Variants in ARHGAP15 observed in about 807,000 individuals in gnomAD.
ARHGAP15 encodes the protein Rho GTPase activating protein 15, also known as rho GTPase-activating protein 15.
A neutral mutation model predicts 63.7 loss-of-function variants in ARHGAP15; 51 were observed. The ratio of observed to expected loss-of-function variants is 0.80; its 90% CI spans 0.64 to 1.01. The LOEUF is 1.01. Ranked by LOEUF, ARHGAP15 falls within the 50% of genes least tolerant of loss-of-function variation. The pLI is 0.00. For synonymous variants in ARHGAP15, 191 were observed against 193.8 expected (o/e 0.99, Z 0.12); for missense variants, 560 against 564.6 (o/e 0.99, Z 0.08).
intron 2 of ARHGAP15, among the ~76,000 whole-genome samples, chr2:143,180,786 G>C (rs1364219242): frequency 6.6e-6 from 1 of 152,064 alleles, no homozygotes; most frequent in Non-Finnish European, 1.5e-5. Context: ...GCATTGTCCT[G>C]CCTCAGCCTC....
intron 13 of ARHGAP15, among the ~76,000 whole-genome samples, chr2:143,721,434 G>C (rs1685054728): frequency 6.6e-6 from 1 of 152,170 alleles, no homozygotes; most frequent in South Asian, 2.1e-4. Flanking sequence ...CATGGTCTCT[G>C]AATGTGCTTT....
At chr2:143,280,298 C>T (rs1434072447) in intron 6 of ARHGAP15, among the ~76,000 whole-genome samples, 1 of 152,048 alleles carries the variant, frequency 6.6e-6, no homozygotes, top group Non-Finnish European at 1.5e-5. Flanking sequence ...AACTGGGCAA[C>T]TCAATAGGAG....
At chr2:143,523,550 T>A in intron 10 of ARHGAP15, among the ~76,000 whole-genome samples, 1 of 152,090 alleles carries the variant, frequency 6.6e-6, no homozygotes, top group South Asian at 2.1e-4. Flanking sequence ...TTCTACCCAA[T>A]AATACCAAAC....
chr2:143,543,871 A>G (rs1234815744), intron 10 of ARHGAP15, among the ~76,000 whole-genome samples: 2 of 152,144 alleles, frequency 1.3e-5, no homozygotes, highest in African/African-American at 4.8e-5. Context: ...CTTCTTTGTT[A>G]GATGGTTAAC....
intron 6 of ARHGAP15, among the ~76,000 whole-genome samples, chr2:143,352,576 A>G (rs1408819092): frequency 6.6e-6 from 1 of 152,210 alleles, no homozygotes; most frequent in African/African-American, 2.4e-5. Context: ...ATGTGCTATA[A>G]TATTTTCTAC....
chr2:143,381,221 C>T (rs911956682), intron 6 of ARHGAP15, among the ~76,000 whole-genome samples: 8 of 152,052 alleles, frequency 5.3e-5, no homozygotes, highest in Non-Finnish European at 1.2e-4. Flanking sequence ...TTTGGCTTTG[C>T]TGTGATTTTA....
chr2:143,386,372 G>A (rs976214584), intron 6 of ARHGAP15, among the ~76,000 whole-genome samples: 1 of 152,154 alleles, frequency 6.6e-6, no homozygotes, highest in Non-Finnish European at 1.5e-5. Flanking sequence ...TTTAGAGCTT[G>A]TTTTGTAGTT....
chr2:143,519,705 C>T (rs896647473), intron 10 of ARHGAP15, among the ~76,000 whole-genome samples: 20 of 152,152 alleles, frequency 1.3e-4, no homozygotes, highest in South Asian at 6.2e-4. Context: ...TGCTGGTAGA[C>T]GTTGTGCCAG....
chr2:143,354,253 A>G (rs1197002567), intron 6 of ARHGAP15, among the ~76,000 whole-genome samples: 1 of 152,194 alleles, frequency 6.6e-6, no homozygotes, highest in African/African-American at 2.4e-5. Flanking sequence ...CGTTCACCTC[A>G]GTCGGAATGA....
At chr2:143,718,839 A>T (rs1351220207) in intron 13 of ARHGAP15, among the ~76,000 whole-genome samples, 2 of 152,232 alleles carry the variant, frequency 1.3e-5, no homozygotes, top group South Asian at 2.1e-4. Flanking sequence ...TGAGCTGGAA[A>T]TGAAGACACT....
intron 12 of ARHGAP15, among the ~76,000 whole-genome samples, chr2:143,629,141 A>T (rs1228712754): frequency 6.6e-6 from 1 of 151,796 alleles, no homozygotes; most frequent in Non-Finnish European, 1.5e-5. Context: ...GTCCAAGAAG[A>T]GTGAACAGAA....
chr2:143,205,254 A>AT (rs1404465189), intron 3 of ARHGAP15, among the ~76,000 whole-genome samples: 23 of 141,290 alleles, frequency 1.6e-4, no homozygotes, highest in African/African-American at 4.0e-4. Flanking sequence ...GCAGAGAGAG[A>AT]TAAAAAAAAA....
At chr2:143,545,763 C>A (rs1380157262) in intron 10 of ARHGAP15, among the ~76,000 whole-genome samples, 5 of 151,558 alleles carry the variant, frequency 3.3e-5, no homozygotes, top group African/African-American at 1.2e-4. Flanking sequence ...TTTTTTCCTA[C>A]GTCTTCAGCA....
intron 8 of ARHGAP15, among the ~76,000 whole-genome samples, chr2:143,448,318 T>C (rs1039585360): frequency 1.6e-4 from 25 of 152,212 alleles, no homozygotes; most frequent in African/African-American, 5.5e-4. Flanking sequence ...AATGGGAGCC[T>C]AGTGAAAGAC....
At chr2:143,464,916 G>C (rs544290060) in intron 8 of ARHGAP15, among the ~76,000 whole-genome samples, 1 of 151,814 alleles carries the variant, frequency 6.6e-6, no homozygotes. Flanking sequence ...CAATTACGTC[G>C]TTTTTCACAA....
At chr2:143,204,624 A>T (rs762125914) in intron 3 of ARHGAP15, among the ~76,000 whole-genome samples, 4 of 152,114 alleles carry the variant, frequency 2.6e-5, no homozygotes, top group Non-Finnish European at 5.9e-5. Context: ...TCCATCTCAC[A>T]TCACTCCTTG....
chr2:143,436,766 G>A lies in ARHGAP15; in HGVS notation c.574-147G>A, dbSNP rs1252818055. The A allele has an allele frequency of 1.0e-5, 7 of 677,404 alleles. No individual in the cohort carries two copies. In the African/African-American group the frequency reaches 1.1e-4, roughly 11 times the overall value. 42.0% of individuals were successfully genotyped at this position (677,404 alleles called of 1,614,324 possible). ...CATATACATATATAAACTATTATTA[G>A]AGTATTGAGCTTAGCATAGAGGACC... On this transcript the variant is annotated intron_variant, in intron 7 of 13. Transcript: ENST00000295095.
intron 6 of ARHGAP15, among the ~76,000 whole-genome samples, chr2:143,278,264 T>C (rs1237474722): frequency 6.6e-6 from 1 of 152,152 alleles, no homozygotes; most frequent in Non-Finnish European, 1.5e-5. Context: ...GTTAAGCAGA[T>C]TGAAGGATTC....
chr2:143,729,509 A>G (rs528419655), intron 13 of ARHGAP15, among the ~76,000 whole-genome samples: 19 of 152,180 alleles, frequency 1.2e-4, no homozygotes, highest in Non-Finnish European at 2.4e-4. Context: ...ATTGCATATT[A>G]CGCCTACTTC....
Sources: allele counts gnomAD v4.1 joint callset (sites outside exome capture counted in the v4.1 genomes callset), GRCh38; gene constraint gnomAD v4.1.1; transcripts MANE v1.5; gene names NCBI Gene and HGNC (gene_info 2026-07-23, HGNC 2026-07-21).